Variants in LRRC56 observed in about 807,000 individuals in gnomAD.
LRRC56 encodes the protein leucine rich repeat containing 56.
LRRC56 carries 41 observed loss-of-function variants against 47.8 expected under a neutral mutation model. The observed-to-expected ratio is 0.86, with a 90% CI of 0.67 to 1.11. The LOEUF (loss-of-function observed/expected upper bound fraction) is 1.11. Among genes scored for constraint, LRRC56 ranks in the 50% most tolerant of loss-of-function variants. LRRC56 has a pLI of 0.00. For missense variants in LRRC56, 759 were observed against 704.2 expected (o/e 1.08, Z -0.88); for synonymous variants, 387 against 311.2 (o/e 1.24, Z -2.56).
At chr11:533,854 G>T (rs1370690781), upstream of LRRC56, 1 of 1,613,190 alleles carries the variant, frequency 6.2e-7, no homozygotes, top group African/African-American at 1.3e-5. Flanking sequence ...TACTGGTCCC[G>T]CATGGCGCTG....
At chr11:507,447 C>CTT in the LRRC56 span, 2 of 150,300 alleles carry the variant, frequency 1.3e-5, no homozygotes, top group African/African-American at 2.5e-5. Flanking sequence ...GTGGTCTCCC[C>CTT]CAGTAGGCGG....
At chr11:508,775 G>A in the LRRC56 span, among the ~76,000 whole-genome samples, 1 of 151,004 alleles carries the variant, frequency 6.6e-6, no homozygotes, top group Non-Finnish European at 1.5e-5. Context: ...TGGGCGCGGT[G>A]GCTCACACCT....
chr11:535,045 C>G (rs1348004532), upstream of LRRC56, among the ~76,000 whole-genome samples: 1 of 152,014 alleles, frequency 6.6e-6, no homozygotes, highest in Non-Finnish European at 1.5e-5. Context: ...TGGTCCGCGA[C>G]CTGTGATGCT....
Position 552,210 on chromosome 11 carries a change from G to A in LRRC56, c.1159G>A (p.Ala387Thr). Residue 387 changes from alanine (A) to threonine (T), a missense_variant, in exon 12 of 14, where the codon GCC becomes ACC. Coordinates refer to ENST00000270115, the MANE Select transcript of LRRC56 (RefSeq NM_198075.4). ...CTTCCTGGCCTTGGCTGGGCTCAGG[G>A]CCTGGAGGGAACATGGCGTGCGGTG... ...SDFLALAGLR[A>T]WREHGVRPLP... 1 of 1,612,016 alleles carries A rather than the reference G, an allele frequency of 6.2e-7. No homozygotes were observed. Among genetic ancestry groups the A allele is most frequent in the South Asian group, 1.1e-5 (1 of 91,048 alleles).
rs150194207 is a variant in LRRC56 at position 552,593 on chromosome 11, G to C, written c.1206G>C (p.Glu402Asp). Reference protein sequence around the residue: ...GVRPLPYRHPESQQEGAVAPW... With the variant: ...GVRPLPYRHPDSQQEGAVAPW... The stretch of plus-strand genomic sequence containing the variant: ...GCCCCCTCCCCTATAGGCACCCGGA[G>C]TCCCAACAGGAAGGGGCTGTAGCCC... Residue 402 changes from glutamate (E) to aspartate (D), a missense_variant, in exon 13 of 14, where the codon GAG becomes GAC. Coordinates refer to ENST00000270115, the MANE Select transcript of LRRC56 (RefSeq NM_198075.4). The C allele has an allele frequency of 6.2e-7, 1 of 1,608,152 alleles. No individual in the cohort carries two copies. The highest frequency in any genetic ancestry group is 1.3e-5 in the African/African-American group (1 of 74,772).
chr11:526,869 G>T, the LRRC56 span, among the ~76,000 whole-genome samples: 1,668 of 152,004 alleles, frequency 0.011, 31 homozygotes, highest in African/African-American at 0.033. Flanking sequence ...CCTGGGAGGC[G>T]GAGGTTGCAG....
chr11:532,455 C>G, the LRRC56 span: 2 of 851,330 alleles, frequency 2.3e-6, no homozygotes, highest in East Asian at 2.7e-5. Context: ...TTGCTTCCGT[C>G]CTTCCTTCCT....
At position 541,731 on chromosome 11, in the gene LRRC56, G is replaced by C; in HGVS notation, c.265+107G>C. ...CAAAGCTGTCCTCACCTCTCGGGCC[G>C]CGTATCGGCTTCCTTAGGGTTGGCC... On this transcript the variant is annotated intron_variant, in intron 5 of 13. Coordinates refer to ENST00000270115, the MANE Select transcript of LRRC56 (RefSeq NM_198075.4). The surrounding 1 kb of genome is among the most constrained non-coding windows in gnomAD (Gnocchi z 4.1). The C allele has an allele frequency of 5.9e-6, 4 of 683,308 alleles. No homozygotes were observed. The South Asian group carries it at 8.9e-5, about 15-fold the overall frequency. The allele number at this position is 683,308 out of a possible 1,614,324, so 42.3% of individuals were successfully genotyped here.
chr11:549,835 C>A, intron 6 of LRRC56, 67 bp from the exon 7 acceptor site: 1 of 1,433,332 alleles, frequency 7.0e-7, no homozygotes, highest in Non-Finnish European at 9.8e-7. Context: ...CTGAAGACAG[C>A]CAAAGGCAGG....
chr11:534,777 GCCTGCAGGCCCCGCGGCGCTGGTGC>G (rs1851354393), upstream of LRRC56, among the ~76,000 whole-genome samples: 3 of 152,224 alleles, frequency 2.0e-5, no homozygotes, highest in South Asian at 6.2e-4. Context: ...GCTAGTGCCA[GCCTGCAGGCCCCGCGGCGCTGGTGC>G]CTCCGACAAG....
upstream of LRRC56, chr11:535,310 GCCGC>G (rs1851416770): frequency 8.8e-6 from 1 of 114,028 alleles, no homozygotes; most frequent in African/African-American, 3.0e-5. Context: ...CGCCGCCGCC[GCCGC>G]TTACGCCCGC....
At chr11:548,997 G>A (rs1018879615) in intron 6 of LRRC56, among the ~76,000 whole-genome samples, 1 of 152,172 alleles carries the variant, frequency 6.6e-6, no homozygotes, top group African/African-American at 2.4e-5. Flanking sequence ...TCAGAGCGGA[G>A]TGGAAAAGCC....
At chr11:527,053 G>A in the LRRC56 span, among the ~76,000 whole-genome samples, 1 of 152,308 alleles carries the variant, frequency 6.6e-6, no homozygotes, top group South Asian at 2.1e-4. Flanking sequence ...TGTAATCCCA[G>A]CACTTTGGGA....
At chr11:523,085 A>G in the LRRC56 span, among the ~76,000 whole-genome samples, 4 of 151,512 alleles carry the variant, frequency 2.6e-5, no homozygotes, top group Non-Finnish European at 4.4e-5. Flanking sequence ...CTGGAGTGCA[A>G]TGGCGCCATC....
intron 5 of LRRC56, 112 bp from the exon 6 acceptor site, chr11:544,608 C>A (rs1851980960): frequency 2.7e-6 from 3 of 1,107,318 alleles, no homozygotes; most frequent in Non-Finnish European, 4.1e-6. Context: ...GCTTGTGAGG[C>A]TGGCCCACGA....
At chr11:548,131 A>AG (rs1422712680) in intron 6 of LRRC56, among the ~76,000 whole-genome samples, 4 of 152,220 alleles carry the variant, frequency 2.6e-5, no homozygotes, top group Non-Finnish European at 4.4e-5. Flanking sequence ...CAAAAAAAAA[A>AG]TTAAAAATTA....
At chr11:533,642 G>A (rs375983338), upstream of LRRC56, 338 of 1,613,260 alleles carry the variant, frequency 2.1e-4, 3 homozygotes, top group Admixed American at 2.5e-3. Context: ...AGCTGGCTAC[G>A]GGGGCTGCAG....
At chr11:549,053 A>C (rs967812708) in intron 6 of LRRC56, among the ~76,000 whole-genome samples, 1 of 152,230 alleles carries the variant, frequency 6.6e-6, no homozygotes, top group Non-Finnish European at 1.5e-5. Flanking sequence ...CACAGCGCGA[A>C]AGGACGGACC....
At chr11:533,871 T>G, upstream of LRRC56, 1 of 1,613,342 alleles carries the variant, frequency 6.2e-7, no homozygotes, top group Non-Finnish European at 8.5e-7. Flanking sequence ...GCTGTACTCC[T>G]CCTGGCCGGC....
Sources: gnomAD v4.1 joint callset for allele counts (sites outside exome capture counted in the v4.1 genomes callset) on GRCh38, gnomAD v4.1.1 for gene constraint, Gnocchi (gnomAD v3.1) non-coding constraint, MANE v1.5 for transcripts, NCBI Gene and HGNC (gene_info 2026-07-23, HGNC 2026-07-21) for gene names.